The following CENPA variants were observed in gnomAD, a reference collection of about 807,000 sequenced individuals.
CENPA encodes centromere protein A, also known as histone H3-like centromeric protein A.
Under a neutral mutation model 17.2 loss-of-function variants are expected in CENPA, and 7 were observed. That is an observed-to-expected ratio of 0.41 (90% CI 0.23 to 0.76). The LOEUF (loss-of-function observed/expected upper bound fraction) is 0.76. Among genes scored for constraint, CENPA ranks in the 30% least tolerant of loss-of-function variants. The probability of loss-of-function intolerance (pLI) is 0.34; values close to 1 mark genes in which losing one functional copy is unlikely to be tolerated. For missense variants in CENPA, 149 were observed against 193.1 expected, an observed-to-expected ratio of 0.77 and a Z score of 1.35; for synonymous variants, 82 against 77.4, an observed-to-expected ratio of 1.06 and a Z score of -0.31.
intron 1 of CENPA, among the ~76,000 whole-genome samples, chr2:26,786,964 G>A (rs1226151565): frequency 1.3e-5 from 2 of 152,248 alleles, no homozygotes; most frequent in African/African-American, 2.4e-5. Context: ...CCAACGGCAG[G>A]AGGAGGCAGA....
At chr2:26,786,537 A>G (rs1664511300) in intron 1 of CENPA, among the ~76,000 whole-genome samples, 1 of 152,090 alleles carries the variant, frequency 6.6e-6, no homozygotes, top group Non-Finnish European at 1.5e-5. Context: ...TGTTAGGACT[A>G]GTGGTTACCC....
chr2:26,790,032 G>A (rs924770923), intron 1 of CENPA, among the ~76,000 whole-genome samples: 8 of 152,176 alleles, frequency 5.3e-5, no homozygotes, highest in Non-Finnish European at 1.2e-4. Context: ...TTTGATCCCA[G>A]TTCTTTTCCA....
At chr2:26,787,101 T>TC (rs978575196) in intron 1 of CENPA, among the ~76,000 whole-genome samples, 2 of 152,274 alleles carry the variant, frequency 1.3e-5, no homozygotes, top group Admixed American at 1.3e-4. Context: ...AGACTGGGTC[T>TC]CCCTGTGTTA....
chr2:26,786,716 T>G (rs920533615), intron 1 of CENPA, among the ~76,000 whole-genome samples: 2 of 152,278 alleles, frequency 1.3e-5, no homozygotes, highest in Non-Finnish European at 2.9e-5. Context: ...TTTCCAATCC[T>G]CTGTGTTTGT....
intron 1 of CENPA, 25 bp from the exon 2 acceptor site, chr2:26,792,106 C>G: frequency 6.2e-7 from 1 of 1,607,038 alleles, no homozygotes; most frequent in Non-Finnish European, 8.5e-7. Context: ...CTATTTTCCA[C>G]TGAACTTACC....
In CENPA at chr2:26,792,812, G is replaced by A. The variant is rs1224694782; in HGVS notation, c.267G>A (p.Gln89=). The stretch of plus-strand genomic sequence containing the variant: ...GTGTGGACTTCAATTGGCAAGCCCA[G>A]GCCCTATTGGCCCTACAAGAGGTAA... ...TRGVDFNWQA[Q]ALLALQEAAE... The change falls in exon 3 of 5, where the codon CAG becomes CAA. Residue 89 remains glutamine, a synonymous_variant. Transcript: ENST00000335756. The A allele has an allele frequency of 1.2e-6, 2 of 1,614,028 alleles. No individual in the cohort carries two copies. Among genetic ancestry groups the A allele is most frequent in the African/African-American group, 2.7e-5 (2 of 74,920 alleles).
intron 4 of CENPA, 59 bp downstream of exon 4, chr2:26,793,385 C>T: frequency 1.4e-6 from 2 of 1,461,802 alleles, no homozygotes; most frequent in East Asian, 2.3e-5. Context: ...TTTCCTTTCT[C>T]CATCCATAGT....
At chr2:26,788,301 A>C (rs1664549658) in intron 1 of CENPA, among the ~76,000 whole-genome samples, 1 of 152,056 alleles carries the variant, frequency 6.6e-6, no homozygotes, top group African/African-American at 2.4e-5. Context: ...ACAGACCTGC[A>C]CCACCATGCT....
chr2:26,794,209 A>C lies in CENPA; in HGVS notation c.*445A>C, dbSNP rs2148069110. The stretch of plus-strand genomic sequence containing the variant: ...CTTTTATTTTACACATAAGGGAAAA[A>C]ATAAGACCACTTTGAGCAGTTGCCT... On this transcript the variant is annotated 3_prime_UTR_variant, in exon 5 of 5. Coordinates refer to ENST00000335756, the MANE Select transcript of CENPA (RefSeq NM_001809.4). The C allele has an allele frequency of 6.6e-6, 1 of 152,384 alleles. No individual in the cohort carries two copies. Among genetic ancestry groups the C allele is most frequent in the East Asian group, 1.9e-4 (1 of 5,194 alleles). 9.4% of individuals were successfully genotyped at this position (152,384 alleles called of 1,614,324 possible).
intron 1 of CENPA, among the ~76,000 whole-genome samples, chr2:26,787,931 C>T (rs1009510468): frequency 6.6e-6 from 1 of 152,092 alleles, no homozygotes; most frequent in Non-Finnish European, 1.5e-5. Flanking sequence ...CATTTCTACA[C>T]ATTTTATTTA....
chr2:26,791,766 C>T (rs993351042), intron 1 of CENPA, among the ~76,000 whole-genome samples: 1 of 152,192 alleles, frequency 6.6e-6, no homozygotes, highest in Admixed American at 6.5e-5. Context: ...CAGAGGAGGG[C>T]GGTCACCCAT....
At chr2:26,793,393 A>C in intron 4 of CENPA, 67 bp downstream of exon 4, 1 of 1,387,250 alleles carries the variant, frequency 7.2e-7, no homozygotes, top group South Asian at 1.4e-5. Context: ...CTCCATCCAT[A>C]GTCCCTTGTC....
chr2:26,792,154 C>G lies in CENPA; in HGVS notation c.124C>G (p.Arg42Gly). 1.2e-6 allele frequency: 2 copies of G among 1,613,970 alleles called. No individual in the cohort carries two copies. Among genetic ancestry groups the G allele is most frequent in the Non-Finnish European group, 1.7e-6 (2 of 1,179,964 alleles). Reference sequence around the variant, plus strand: ...AGGCGCTTCCTCCCATCAACACAGTCGGCGGAGACAAGGTTGGCTAAAGGA... The same window carrying G: ...AGGCGCTTCCTCCCATCAACACAGTGGGCGGAGACAAGGTTGGCTAAAGGA... ...SLGASSHQHS[R>G]RRQGWLKEIR... The change falls in exon 2 of 5, where the codon CGG becomes GGG. Residue 42 changes from arginine (R) to glycine (G), a missense_variant. Arg to Gly is a moderately radical substitution (Grantham distance 125). Around this residue, in one of 2 missense-constraint regions of CENPA, gnomAD observed 95 missense variants for 87.5 expected, o/e 1.09. Transcript: ENST00000335756.
At position 26,786,056 on chromosome 2, in the gene CENPA, G is replaced by T; in HGVS notation, c.-141G>T. 8.2e-7 allele frequency: 1 copy of T among 1,216,092 alleles called. No homozygotes were observed. The highest frequency in any genetic ancestry group is 1.0e-6 in the Non-Finnish European group (1 of 959,718). 75.3% of individuals were successfully genotyped at this position (1,216,092 alleles called of 1,614,324 possible). A position where few individuals can be genotyped will look rare whatever the true frequency, so the allele number is the denominator to read the frequency against. ...CGAGCGATTTGAACGCGAGCGGCGCGGACTTCTGCCAAGCACCGGCTCATG... is the reference window on the plus strand; with the variant it reads ...CGAGCGATTTGAACGCGAGCGGCGCTGACTTCTGCCAAGCACCGGCTCATG... On this transcript the variant is annotated 5_prime_UTR_variant, in exon 1 of 5. Transcript: ENST00000335756.
At chr2:26,789,612 C>T (rs1664579564) in intron 1 of CENPA, among the ~76,000 whole-genome samples, 1 of 152,068 alleles carries the variant, frequency 6.6e-6, no homozygotes, top group Admixed American at 6.5e-5. Flanking sequence ...CAAAACTGAA[C>T]TTCTGGTTAC....
chr2:26,792,208 C>T lies in CENPA; in HGVS notation c.178C>T (p.Leu60Phe). The T allele has an allele frequency of 6.2e-7, 1 of 1,613,800 alleles. No individual in the cohort carries two copies. The highest frequency in any genetic ancestry group is 1.6e-4 in the Middle Eastern group (1 of 6,062). ...EIRKLQKSTH[L>F]LIRKLPFSRL... ...CCGAAAGCTTCAGAAGAGCACACAC[C>T]TCTTGATAAGGAAGCTGCCCTTCAG... Residue 60 changes from leucine to phenylalanine, a missense_variant, in exon 2 of 5, where the codon CTC becomes TTC. By Grantham distance (22) the Leu-to-Phe change is conservative. Coordinates refer to ENST00000335756, the MANE Select transcript of CENPA (RefSeq NM_001809.4).
chr2:26,791,588 A>G (rs1201421097), intron 1 of CENPA, among the ~76,000 whole-genome samples: 2 of 152,224 alleles, frequency 1.3e-5, no homozygotes, highest in Non-Finnish European at 2.9e-5. Context: ...CTGGCCAACC[A>G]TCTTCACCTC....
intron 2 of CENPA, 159 bp downstream of exon 2, chr2:26,792,399 C>T (rs886200219): frequency 1.0e-5 from 7 of 695,024 alleles, no homozygotes; most frequent in Non-Finnish European, 1.8e-5. Flanking sequence ...CCTCCAAGAG[C>T]ACCTTGTAAT....
Position 26,786,300 on chromosome 2 carries a change from A to G in CENPA, c.100+4A>G. On this transcript the variant is annotated splice_donor_region_variant and intron_variant, in intron 1 of 4. Transcript: ENST00000335756. ...TCCCGGCGGGGCCCCTCCTTAGGTA[A>G]CCGGCCGCGGCCCCATCTCGAAGAG... The G allele has an allele frequency of 7.6e-7, 1 of 1,320,510 alleles. No homozygotes were observed. Among genetic ancestry groups the G allele is most frequent in the Non-Finnish European group, 9.6e-7 (1 of 1,036,922 alleles). The allele number at this position is 1,320,510 out of a possible 1,614,324, so 81.8% of individuals were successfully genotyped here. A position where few individuals can be genotyped will look rare whatever the true frequency, so the allele number is the denominator to read the frequency against.
Sources: allele counts gnomAD v4.1 joint callset (sites outside exome capture counted in the v4.1 genomes callset), GRCh38; gene constraint gnomAD v4.1.1; regional missense constraint gnomAD v4.1.1; transcripts MANE v1.5; gene names NCBI Gene and HGNC (gene_info 2026-07-23, HGNC 2026-07-21).